The following ACTR3C variants were observed in gnomAD, a reference collection of about 807,000 sequenced individuals.
ACTR3C encodes the protein actin related protein 3C, also known as actin-related protein 3C.
In ACTR3C, 18 loss-of-function variants were observed where a neutral mutation model predicts 26.3. The ratio of observed to expected loss-of-function variants is 0.68; its 90% confidence interval spans 0.47 to 1.01. The LOEUF (loss-of-function observed/expected upper bound fraction) is 1.01. Among genes scored for constraint, ACTR3C ranks in the 50% least tolerant of loss-of-function variants. ACTR3C has a pLI of 0.00. For missense variants in ACTR3C, 184 were observed against 250.7 expected (o/e 0.73, Z 1.80); for synonymous variants, 55 against 94.5 (o/e 0.58, Z 2.42).
the ACTR3C span, among the ~76,000 whole-genome samples, chr7:149,938,171 G>A: frequency 1.3e-5 from 2 of 152,158 alleles, no homozygotes; most frequent in South Asian, 2.1e-4. Flanking sequence ...AAGCTGACTC[G>A]CTGCTTAATC....
At chr7:150,093,601 C>A in the ACTR3C span, among the ~76,000 whole-genome samples, 1 of 150,940 alleles carries the variant, frequency 6.6e-6, no homozygotes, top group Non-Finnish European at 1.5e-5. Flanking sequence ...CAGGTGGGTG[C>A]AGGCAGTGGC....
chr7:150,175,082 T>C, the ACTR3C span, among the ~76,000 whole-genome samples: 3 of 143,142 alleles, frequency 2.1e-5, no homozygotes, highest in Non-Finnish European at 4.4e-5. Flanking sequence ...AAAGTTACTG[T>C]AGTGTGAAAG....
At chr7:150,010,044 C>T in the ACTR3C span, among the ~76,000 whole-genome samples, 8 of 152,238 alleles carry the variant, frequency 5.3e-5, no homozygotes, top group South Asian at 6.2e-4. Context: ...TGCAAAGTCC[C>T]GAGAGGTTGG....
chr7:150,041,251 G>A, the ACTR3C span: 22 of 151,076 alleles, frequency 1.5e-4, no homozygotes, highest in African/African-American at 4.9e-4. Flanking sequence ...ATACTGCAAA[G>A]TTTGGGATCC....
chr7:149,985,554 T>C, the ACTR3C span, among the ~76,000 whole-genome samples: 1 of 152,232 alleles, frequency 6.6e-6, no homozygotes, highest in Non-Finnish European at 1.5e-5. Flanking sequence ...ACCACAGAGC[T>C]AAGTGGTCGA....
chr7:149,911,283 T>C, the ACTR3C span, among the ~76,000 whole-genome samples: 2 of 150,594 alleles, frequency 1.3e-5, no homozygotes, highest in African/African-American at 4.9e-5. Context: ...ATCACTAAAA[T>C]CATCAAATCT....
At chr7:150,172,881 A>C in the ACTR3C span, among the ~76,000 whole-genome samples, 1 of 150,548 alleles carries the variant, frequency 6.6e-6, no homozygotes, top group Non-Finnish European at 1.5e-5. Flanking sequence ...TAGGGCTCCA[A>C]AATGATCTCT....
chr7:150,292,362 A>G (rs1414879819), intron 3 of ACTR3C, among the ~76,000 whole-genome samples: 2 of 152,210 alleles, frequency 1.3e-5, no homozygotes, highest in African/African-American at 4.8e-5. Flanking sequence ...TAATTCCTTT[A>G]AATAGTCCAT....
intron 6 of ACTR3C, among the ~76,000 whole-genome samples, chr7:150,273,284 T>TGACA (rs1491528728): frequency 8.4e-6 from 1 of 119,006 alleles, no homozygotes; most frequent in East Asian, 2.3e-4. Flanking sequence ...CAGACCAACC[T>TGACA]TTTTTTTTTT....
chr7:150,103,062 G>GGTGT, the ACTR3C span, among the ~76,000 whole-genome samples: 28 of 142,086 alleles, frequency 2.0e-4, no homozygotes, highest in African/African-American at 5.2e-4. Context: ...ATACAAAACA[G>GGTGT]GTGTGTGTGT....
At chr7:150,082,934 C>CTTTTTTTTTTTTTT in the ACTR3C span, among the ~76,000 whole-genome samples, 3 of 104,952 alleles carry the variant, frequency 2.9e-5, no homozygotes, top group East Asian at 2.9e-4. Flanking sequence ...TCTTTTTTTT[C>CTTTTTTTTTTTTTT]TTTTTTTTTT....
the ACTR3C span, among the ~76,000 whole-genome samples, chr7:149,988,293 C>A: frequency 6.6e-6 from 1 of 152,334 alleles, no homozygotes; most frequent in Non-Finnish European, 1.5e-5. Context: ...TCAGCTCACA[C>A]ATTTCTGGCA....
the ACTR3C span, among the ~76,000 whole-genome samples, chr7:150,063,726 G>A: frequency 5.6e-3 from 847 of 152,000 alleles, 12 homozygotes; most frequent in African/African-American, 0.02. Flanking sequence ...CTTTTGCCTT[G>A]GGATAGAGTT....
the ACTR3C span, among the ~76,000 whole-genome samples, chr7:149,915,465 C>T: frequency 6.6e-5 from 10 of 152,156 alleles, no homozygotes; most frequent in East Asian, 1.2e-3. Flanking sequence ...TCTCTATGTA[C>T]AAGCAGACAA....
chr7:149,931,173 A>T, the ACTR3C span, among the ~76,000 whole-genome samples: 14 of 152,162 alleles, frequency 9.2e-5, no homozygotes, highest in South Asian at 2.1e-4. Context: ...GCCATATGAA[A>T]ACTTTTCTAA....
At chr7:150,186,096 G>T in the ACTR3C span, among the ~76,000 whole-genome samples, 1 of 152,132 alleles carries the variant, frequency 6.6e-6, no homozygotes, top group Admixed American at 6.5e-5. Flanking sequence ...GTCTGCACAG[G>T]CAAGGTGAGA....
chr7:150,251,849 C>T (rs1832871665), intron 6 of ACTR3C, among the ~76,000 whole-genome samples: 2 of 152,140 alleles, frequency 1.3e-5, no homozygotes, highest in Admixed American at 1.3e-4. Flanking sequence ...AAGTGAGAAG[C>T]AATTATCACT....
At chr7:150,089,123 G>T in the ACTR3C span, among the ~76,000 whole-genome samples, 108 of 152,230 alleles carry the variant, frequency 7.1e-4, no homozygotes, top group Non-Finnish European at 4.3e-4. Flanking sequence ...TAACATTTCT[G>T]AGTTTTTCAA....
intron 6 of ACTR3C, among the ~76,000 whole-genome samples, chr7:150,279,977 C>T (rs1381283625): frequency 6.6e-6 from 1 of 152,122 alleles, no homozygotes; most frequent in African/African-American, 2.4e-5. Flanking sequence ...TCAAGTACCT[C>T]CTGAATAGAA....
Sources: gnomAD v4.1 joint callset for allele counts (sites outside exome capture counted in the v4.1 genomes callset) on GRCh38, gnomAD v4.1.1 for gene constraint, MANE v1.5 for transcripts, NCBI Gene and HGNC (gene_info 2026-07-23, HGNC 2026-07-21) for gene names.